Variants in KCTD10 observed in about 807,000 individuals in gnomAD.
KCTD10 encodes BTB/POZ domain-containing adapter for CUL3-mediated RhoA degradation protein 3.
A neutral mutation model predicts 34.6 loss-of-function variants in KCTD10; 13 were observed. The observed-to-expected ratio is 0.38, with a 90% CI of 0.24 to 0.60. The LOEUF is 0.60. KCTD10 is among the 20% of genes least tolerant of loss of function. KCTD10 has a pLI of 0.66. For synonymous variants in KCTD10, 156 were observed against 168.8 expected (o/e 0.92, Z 0.59); for missense variants, 256 against 420.3 (o/e 0.61, Z 3.42).
In KCTD10 at chr12:109,460,879, TCTCTCGG is replaced by T. The variant is rs145217137; in HGVS notation, c.218-81_218-75del. Reference sequence around the variant, plus strand: ...GGAGGCCCTGAGCAGAGCTGGGGTGTCTCTCGGCTCCCTCTACCTCCCAGCGGAGAGC... The same window carrying T: ...GGAGGCCCTGAGCAGAGCTGGGGTGTCTCCCTCTACCTCCCAGCGGAGAGC... On this transcript the variant is annotated intron_variant, in intron 2 of 6. Transcript: ENST00000228495. This position sits in a 1 kb window ranked among gnomAD's most constrained non-coding sequence, Gnocchi z 4.5. 1.3e-3 allele frequency: 1,935 copies of T among 1,436,254 alleles called. 25 individuals carry two copies. In the African/African-American group the frequency reaches 0.023, roughly 17 times the overall value. 89.0% of individuals were successfully genotyped at this position (1,436,254 alleles called of 1,614,324 possible). A position where few individuals can be genotyped will look rare whatever the true frequency, so the allele number is the denominator to read the frequency against.
At chr12:109,453,674 AT>A (rs1457664365) in intron 6 of KCTD10, among the ~76,000 whole-genome samples, 7 of 152,166 alleles carry the variant, frequency 4.6e-5, no homozygotes, top group Non-Finnish European at 5.9e-5. Flanking sequence ...AAATACAGGC[AT>A]GGTTACAGAA....
At chr12:109,468,083 C>G (rs564473412) in intron 2 of KCTD10, among the ~76,000 whole-genome samples, 24 of 152,290 alleles carry the variant, frequency 1.6e-4, no homozygotes, top group African/African-American at 5.3e-4. Flanking sequence ...TCCACAGATA[C>G]TCTCGGGCCA....
At chr12:109,474,807 C>A (rs1464311190) in intron 1 of KCTD10, among the ~76,000 whole-genome samples, 1 of 152,120 alleles carries the variant, frequency 6.6e-6, no homozygotes, top group African/African-American at 2.4e-5. Context: ...GGAAAATCAT[C>A]GACTGAAAAG....
chr12:109,461,362 C>G (rs1429771938), intron 2 of KCTD10, among the ~76,000 whole-genome samples: 1 of 152,244 alleles, frequency 6.6e-6, no homozygotes, highest in Non-Finnish European at 1.5e-5. Context: ...TATCCCACAA[C>G]TTCCTGCAAC....
At chr12:109,468,233 C>T (rs1211284784) in intron 2 of KCTD10, among the ~76,000 whole-genome samples, 1 of 152,180 alleles carries the variant, frequency 6.6e-6, no homozygotes, top group Non-Finnish European at 1.5e-5. Context: ...TCCAGCCCCA[C>T]ACCCTGGCCT....
chr12:109,450,432 A>T lies in KCTD10; in HGVS notation c.*1163T>A, dbSNP rs1872715592. The T allele has an allele frequency of 2.5e-6, 1 of 399,210 alleles. No individual in the cohort carries two copies. The highest frequency in any genetic ancestry group is 2.1e-5 in the African/African-American group (1 of 48,758). The allele number at this position is 399,210 out of a possible 1,614,324, so 24.7% of individuals were successfully genotyped here. A position where few individuals can be genotyped will look rare whatever the true frequency, so the allele number is the denominator to read the frequency against. On this transcript the variant is annotated 3_prime_UTR_variant, in exon 7 of 7. Transcript: ENST00000228495. ...CTTAAACAAACATGAACACAGACACAAACCAGACCCAAAGTTATCTATCTA... is the reference window on the plus strand; with the variant it reads ...CTTAAACAAACATGAACACAGACACTAACCAGACCCAAAGTTATCTATCTA...
At position 109,451,655 on chromosome 12, in the gene KCTD10, G is replaced by A. The variant is rs776526778; in HGVS notation, c.882C>T (p.Ile294=). ...HLDEDEERER[I]ERVRRIHIKR... ...TGATGTGGATCCTCCGCACGCGCTC[G>A]ATCCGCTCCCGCTCCTCGTCCTCGT... The change falls in exon 7 of 7, where the codon ATC becomes ATT. Residue 294 remains isoleucine, a synonymous_variant. Transcript: ENST00000228495. The surrounding 1 kb of genome is among the most constrained non-coding windows in gnomAD (Gnocchi z 5.0). The A allele has an allele frequency of 8.1e-6, 13 of 1,613,014 alleles. No individual in the cohort carries two copies. Among genetic ancestry groups the A allele is most frequent in the Admixed American group, 5.0e-5 (3 of 59,986 alleles).
chr12:109,467,569 C>T (rs112885599), intron 2 of KCTD10, among the ~76,000 whole-genome samples: 4,518 of 152,188 alleles, frequency 0.03, 227 homozygotes, highest in African/African-American at 0.099. Flanking sequence ...CTGCCGTGAG[C>T]TATGATGGCC....
chr12:109,469,758 C>T, intron 1 of KCTD10, 30 bp from the exon 2 acceptor site: 2 of 1,610,992 alleles, frequency 1.2e-6, no homozygotes, highest in Non-Finnish European at 1.7e-6. Flanking sequence ...AGGGTCATGA[C>T]ATCAGGCCTG....
intron 2 of KCTD10, chr12:109,464,958 C>G (rs1338879761): frequency 2.4e-6 from 1 of 424,486 alleles, no homozygotes; most frequent in Non-Finnish European, 4.7e-6. Flanking sequence ...GAGCTCCCAA[C>G]AGTGGGTAAG....
chr12:109,453,054 CTCTT>C (rs573424227), intron 6 of KCTD10, among the ~76,000 whole-genome samples: 17 of 152,180 alleles, frequency 1.1e-4, no homozygotes, highest in African/African-American at 3.6e-4. Context: ...GTCCAAGGGC[CTCTT>C]TCTTTTCTCT....
intron 2 of KCTD10, among the ~76,000 whole-genome samples, chr12:109,465,590 T>C (rs1309750613): frequency 6.6e-6 from 1 of 152,082 alleles, no homozygotes; most frequent in Non-Finnish European, 1.5e-5. Context: ...TGCTTACCTT[T>C]GGAAGGGAGA....
chr12:109,466,187 C>A (rs981295486), intron 2 of KCTD10, among the ~76,000 whole-genome samples: 1 of 152,146 alleles, frequency 6.6e-6, no homozygotes, highest in Non-Finnish European at 1.5e-5. Flanking sequence ...CACACTCATC[C>A]CTGAAGGCCA....
At position 109,450,137 on chromosome 12, in the gene KCTD10, C is replaced by T. The variant is rs1872692765; in HGVS notation, c.*1458G>A. On this transcript the variant is annotated 3_prime_UTR_variant, in exon 7 of 7. Coordinates refer to ENST00000228495, the MANE Select transcript of KCTD10 (RefSeq NM_031954.5). ...TGTCAAAGGCTGCCCATGTTAATAC[C>T]TTTGGTATAAAACGGTAACGATTCC... The T allele has an allele frequency of 2.5e-6, 1 of 397,572 alleles. No individual in the cohort carries two copies. Among genetic ancestry groups the T allele is most frequent in the South Asian group, 1.4e-4 (1 of 7,242 alleles). The allele number at this position is 397,572 out of a possible 1,614,324, so 24.6% of individuals were successfully genotyped here.
At position 109,451,743 on chromosome 12, in the gene KCTD10, C is replaced by T. The variant is rs1306324423; in HGVS notation, c.794G>A (p.Arg265Gln). Residue 265 changes from arginine to glutamine, a missense_variant, in exon 7 of 7, where the codon CGG (arginine) becomes CAG (glutamine). Arg to Gln is a conservative substitution (Grantham distance 43, BLOSUM62 1). Transcript: ENST00000228495. The surrounding 1 kb of genome is among the most constrained non-coding windows in gnomAD (Gnocchi z 5.0). The part of the protein sequence containing the change: ...NILLYEAQDG[R>Q]GPDNALLEAT... ...CTCCAGGAGCGCATTGTCAGGTCCCCGGCCATCCTGGGCCTCATACAGCAA... is the reference window on the plus strand; with the variant it reads ...CTCCAGGAGCGCATTGTCAGGTCCCTGGCCATCCTGGGCCTCATACAGCAA... 9 of 1,613,998 alleles carry T rather than the reference C, an allele frequency of 5.6e-6. No homozygotes were observed. Among genetic ancestry groups the T allele is most frequent in the East Asian group, 2.2e-5 (1 of 44,890 alleles).
In KCTD10 at chr12:109,465,421, T is replaced by C. The variant is rs1403632382; in HGVS notation, c.217+4094A>G. Among the ~76,000 whole-genome samples, 4 of 152,210 alleles carry C rather than the reference T, an allele frequency of 2.6e-5. No individual in the cohort carries two copies. In the East Asian group the frequency reaches 5.8e-4, roughly 22 times the overall value. On this transcript the variant is annotated intron_variant, in intron 2 of 6. Transcript: ENST00000228495. ...GAGTAATACCTGGAAAGATGGACACTTGTGGTTCTCAATGCTGGTTGCACA... is the reference window on the plus strand; with the variant it reads ...GAGTAATACCTGGAAAGATGGACACCTGTGGTTCTCAATGCTGGTTGCACA...
chr12:109,450,442 C>A lies in KCTD10; in HGVS notation c.*1153G>T. On this transcript the variant is annotated 3_prime_UTR_variant, in exon 7 of 7. Transcript: ENST00000228495. Reference sequence around the variant, plus strand: ...CATGAACACAGACACAAACCAGACCCAAAGTTATCTATCTACCCGCACATC... The same window carrying A: ...CATGAACACAGACACAAACCAGACCAAAAGTTATCTATCTACCCGCACATC... The A allele has an allele frequency of 2.5e-6, 1 of 399,238 alleles. No individual in the cohort carries two copies. Among genetic ancestry groups the A allele is most frequent in the East Asian group, 3.6e-5 (1 of 28,090 alleles). 24.7% of individuals were successfully genotyped at this position (399,238 alleles called of 1,614,324 possible). A position where few individuals can be genotyped will look rare whatever the true frequency, so the allele number is the denominator to read the frequency against.
chr12:109,462,942 CAGGG>C (rs1219589113), intron 2 of KCTD10, among the ~76,000 whole-genome samples: 1 of 152,122 alleles, frequency 6.6e-6, no homozygotes, highest in Non-Finnish European at 1.5e-5. Context: ...GCTGACAAGG[CAGGG>C]AAAGACCGTA....
intron 2 of KCTD10, among the ~76,000 whole-genome samples, chr12:109,467,819 C>A (rs1873666084): frequency 6.6e-6 from 1 of 151,974 alleles, no homozygotes; most frequent in Non-Finnish European, 1.5e-5. Flanking sequence ...AGAAGGTGAG[C>A]AGTCCTGCCA....
Sources: allele counts gnomAD v4.1 joint callset (sites outside exome capture counted in the v4.1 genomes callset), GRCh38; gene constraint gnomAD v4.1.1; non-coding constraint Gnocchi (gnomAD v3.1); transcripts MANE v1.5; gene names NCBI Gene and HGNC (gene_info 2026-07-23, HGNC 2026-07-21).